The following CD2AP variants were observed in gnomAD, a reference collection of about 807,000 sequenced individuals.
The protein encoded by CD2AP is CD2 associated protein.
Under a neutral mutation model 85.1 loss-of-function variants are expected in CD2AP, and 46 were observed. The observed-to-expected ratio is 0.54, with a 90% CI of 0.43 to 0.69. CD2AP has a LOEUF of 0.69. Ranked by LOEUF, CD2AP falls within the 30% of genes least tolerant of loss-of-function variation. The pLI is 0.00. For missense variants in CD2AP, 769 were observed against 729.5 expected, an observed-to-expected ratio of 1.05 and a Z score of -0.62; for synonymous variants, 255 against 252.9, an observed-to-expected ratio of 1.01 and a Z score of -0.08.
At chr6:47,527,578 A>G (rs779380266) in intron 2 of CD2AP, among the ~76,000 whole-genome samples, 1 of 152,244 alleles carries the variant, frequency 6.6e-6, no homozygotes, top group Non-Finnish European at 1.5e-5. Flanking sequence ...ACAGTGCACC[A>G]TAATGAATGA....
chr6:47,595,719 C>T (rs540556363), intron 11 of CD2AP, 142 bp from the exon 12 acceptor site: 3 of 584,346 alleles, frequency 5.1e-6, no homozygotes, highest in South Asian at 4.9e-5. Flanking sequence ...ATAAGTAAAA[C>T]AGTGCACATG....
intron 2 of CD2AP, among the ~76,000 whole-genome samples, chr6:47,520,921 C>A (rs927061843): frequency 6.6e-6 from 1 of 151,808 alleles, no homozygotes; most frequent in Non-Finnish European, 1.5e-5. Flanking sequence ...GCAGACTTCT[C>A]CAGTACCTAG....
At chr6:47,511,073 CAAAAAAAAAAA>C (rs70999630) in intron 2 of CD2AP, among the ~76,000 whole-genome samples, 1 of 51,880 alleles carries the variant, frequency 1.9e-5, no homozygotes, top group African/African-American at 9.7e-5. Flanking sequence ...CTCTGTGTCT[CAAAAAAAAAAA>C]AAAAAAAAAA....
Position 47,606,258 on chromosome 6 carries a change from G to C in CD2AP, c.1511G>C (p.Arg504Pro). 6.3e-7 allele frequency: 1 copy of C among 1,597,798 alleles called. No homozygotes were observed. Among genetic ancestry groups the C allele is most frequent in the Non-Finnish European group, 8.6e-7 (1 of 1,165,486 alleles). The change falls in exon 14 of 18, where the codon CGT (arginine) becomes CCT (proline). Residue 504 changes from arginine to proline, a missense_variant. Transcript: ENST00000359314. ...PKMPGRRLPG[R>P]FNGGHSPTHS... ...ATGCCTGGAAGAAGGTTGCCGGGCC[G>C]TTTCAATGGTGGACATTCTGTGAGT...
intron 1 of CD2AP, among the ~76,000 whole-genome samples, chr6:47,502,517 C>T (rs1343808878): frequency 2.9e-5 from 4 of 138,326 alleles, no homozygotes; most frequent in African/African-American, 8.1e-5. Flanking sequence ...TTTTTTGAGA[C>T]GGAGTCTCGC....
intron 1 of CD2AP, among the ~76,000 whole-genome samples, chr6:47,484,851 T>C (rs1765527967): frequency 6.6e-6 from 1 of 152,176 alleles, no homozygotes; most frequent in Admixed American, 6.5e-5. Flanking sequence ...ATTAGGGGTT[T>C]CTAGTAGAAT....
chr6:47,620,884 G>C (rs1769726820), intron 17 of CD2AP, among the ~76,000 whole-genome samples: 1 of 152,044 alleles, frequency 6.6e-6, no homozygotes, highest in Non-Finnish European at 1.5e-5. Flanking sequence ...CTACTGATTT[G>C]TGTAGCTCTT....
At chr6:47,494,439 C>A (rs1232335554) in intron 1 of CD2AP, among the ~76,000 whole-genome samples, 1 of 152,082 alleles carries the variant, frequency 6.6e-6, no homozygotes, top group Non-Finnish European at 1.5e-5. Flanking sequence ...ATTATTAAAT[C>A]TCTGTTTTTT....
intron 5 of CD2AP, among the ~76,000 whole-genome samples, chr6:47,566,046 C>T (rs1767983477): frequency 6.6e-6 from 1 of 151,996 alleles, no homozygotes; most frequent in African/African-American, 2.4e-5. Context: ...ACATTCCTCT[C>T]TCACAGCCTT....
intron 16 of CD2AP, among the ~76,000 whole-genome samples, chr6:47,610,455 C>T (rs1196395565): frequency 6.6e-6 from 1 of 152,022 alleles, no homozygotes; most frequent in African/African-American, 2.4e-5. Flanking sequence ...AAAAATAAAA[C>T]ATAAATGTTA....
At chr6:47,610,666 T>G (rs1191904637) in intron 16 of CD2AP, among the ~76,000 whole-genome samples, 1 of 151,754 alleles carries the variant, frequency 6.6e-6, no homozygotes, top group Non-Finnish European at 1.5e-5. Context: ...ATATATTATG[T>G]ATATAGAGGA....
intron 12 of CD2AP, among the ~76,000 whole-genome samples, chr6:47,597,283 G>A (rs1228120032): frequency 1.3e-5 from 2 of 150,812 alleles, no homozygotes; most frequent in African/African-American, 2.4e-5. Context: ...ATAGGTAGAA[G>A]GCCCTCTCCT....
chr6:47,491,438 A>T (rs1765731821), intron 1 of CD2AP, among the ~76,000 whole-genome samples: 2 of 151,852 alleles, frequency 1.3e-5, no homozygotes, highest in Admixed American at 6.6e-5. Flanking sequence ...GTAATTTTTA[A>T]TATTTTGTCA....
intron 2 of CD2AP, among the ~76,000 whole-genome samples, chr6:47,529,579 A>T (rs1766818278): frequency 6.6e-6 from 1 of 152,102 alleles, no homozygotes; most frequent in African/African-American, 2.4e-5. Flanking sequence ...GGTTTTTATT[A>T]ATTTTACTAA....
intron 1 of CD2AP, among the ~76,000 whole-genome samples, chr6:47,492,717 T>C (rs1361071221): frequency 6.6e-6 from 1 of 152,314 alleles, no homozygotes; most frequent in South Asian, 2.1e-4. Flanking sequence ...ATTCCTGATA[T>C]AAGTAATCTG....
At chr6:47,548,314 A>G (rs943999045) in intron 4 of CD2AP, among the ~76,000 whole-genome samples, 7 of 152,192 alleles carry the variant, frequency 4.6e-5, no homozygotes, top group South Asian at 4.1e-4. Context: ...AACAAGGTTA[A>G]CCAAGAAAAG....
chr6:47,574,702 A>C (rs1768255955), intron 6 of CD2AP, among the ~76,000 whole-genome samples: 1 of 151,820 alleles, frequency 6.6e-6, no homozygotes, highest in African/African-American at 2.4e-5. Flanking sequence ...TTTCCTCTAG[A>C]TTGTCAACAT....
intron 2 of CD2AP, among the ~76,000 whole-genome samples, chr6:47,521,338 G>A (rs1766587970): frequency 6.6e-6 from 1 of 152,102 alleles, no homozygotes; most frequent in Admixed American, 6.5e-5. Context: ...GATCACCTCA[G>A]GTCAGGAGTT....
rs545333650 is a variant in CD2AP, at chr6:47,507,161, A to G, written c.165+3721A>G. ...GCAACTCCTCATCTGTCCATGTTTTATCACAAGGTTGCAATAATTCAGTCA... is the reference window on the plus strand; with the variant it reads ...GCAACTCCTCATCTGTCCATGTTTTGTCACAAGGTTGCAATAATTCAGTCA... On this transcript the variant is annotated intron_variant, in intron 2 of 17. Coordinates refer to ENST00000359314, the MANE Select transcript of CD2AP (RefSeq NM_012120.3). 7.2e-5 allele frequency among the ~76,000 whole-genome samples: 11 copies of G among 152,270 alleles called. No individual in the cohort carries two copies. The South Asian group carries it at 2.3e-3, about 32-fold the overall frequency.
Sources: gnomAD v4.1 joint callset for allele counts (sites outside exome capture counted in the v4.1 genomes callset) on GRCh38, gnomAD v4.1.1 for gene constraint, MANE v1.5 for transcripts, NCBI Gene and HGNC (gene_info 2026-07-23, HGNC 2026-07-21) for gene names.